The following CPA6 variants were observed in gnomAD, a reference collection of about 807,000 sequenced individuals.
CPA6 encodes the protein carboxypeptidase B.
A neutral mutation model predicts 63.3 loss-of-function variants in CPA6; 58 were observed. That is an observed-to-expected ratio of 0.92 (90% CI 0.74 to 1.14). CPA6 has a LOEUF of 1.14. Ranked by LOEUF, CPA6 falls within the 50% of genes most tolerant of loss-of-function variation. The pLI, the probability that CPA6 is intolerant of heterozygous loss-of-function variation, is 0.00. For missense variants in CPA6, 565 were observed against 526.6 expected (o/e 1.07, Z -0.71); for synonymous variants, 185 against 179.0 (o/e 1.03, Z -0.27).
chr8:67,616,473 C>T (rs1587638478), intron 2 of CPA6, among the ~76,000 whole-genome samples: 2 of 150,482 alleles, frequency 1.3e-5, no homozygotes, highest in Non-Finnish European at 3.0e-5. Context: ...AACTGTCATC[C>T]TCCATCTGGG....
intron 1 of CPA6, among the ~76,000 whole-genome samples, chr8:67,671,977 G>A (rs769327589): frequency 7.2e-5 from 11 of 151,938 alleles, no homozygotes; most frequent in South Asian, 4.2e-4. Flanking sequence ...TTACAGGTGC[G>A]CACCACCACA....
intron 2 of CPA6, among the ~76,000 whole-genome samples, chr8:67,552,001 T>C (rs566106276): frequency 1.1e-4 from 16 of 152,320 alleles, no homozygotes; most frequent in African/African-American, 2.6e-4. Flanking sequence ...AAGAGGATTG[T>C]TGCTTTAAAA....
chr8:67,664,890 A>C (rs946735836), intron 1 of CPA6, among the ~76,000 whole-genome samples: 10 of 152,188 alleles, frequency 6.6e-5, no homozygotes, highest in African/African-American at 1.9e-4. Flanking sequence ...AGTTTAATGT[A>C]TTAAGCAATA....
intron 2 of CPA6, among the ~76,000 whole-genome samples, chr8:67,556,879 A>T (rs1464350826): frequency 1.3e-5 from 2 of 152,176 alleles, no homozygotes; most frequent in African/African-American, 4.8e-5. Context: ...TGAGATTAGC[A>T]CCTGGACCGT....
chr8:67,624,226 T>C lies in CPA6; in HGVS notation c.142A>G (p.Lys48Glu). Residue 48 changes from lysine to glutamate, a missense_variant, in exon 2 of 11, where the codon AAA becomes GAA. Coordinates refer to ENST00000297770, the MANE Select transcript of CPA6 (RefSeq NM_020361.5). ...AGTGCATATGCTTCCTCTTCTGTTT[T>C]GGGAATAAATCTTATCACTTTATCA... is the stretch of plus-strand genomic sequence containing the variant. ...AGDKVIRFIP[K>E]TEEEAYALKK... The C allele has an allele frequency of 6.5e-7, 1 of 1,545,318 alleles. No homozygotes were observed. The highest frequency in any genetic ancestry group is 8.9e-7 in the Non-Finnish European group (1 of 1,120,722).
chr8:67,498,535 C>CAAAAAAAAAA (rs397940852), intron 6 of CPA6, among the ~76,000 whole-genome samples: 3 of 33,176 alleles, frequency 9.0e-5, no homozygotes, highest in Admixed American at 4.6e-4. Context: ...GACTCCATCT[C>CAAAAAAAAAA]AAAAAAAAAA....
chr8:67,650,902 C>G (rs144030456), intron 1 of CPA6, among the ~76,000 whole-genome samples: 2 of 152,212 alleles, frequency 1.3e-5, no homozygotes, highest in South Asian at 2.1e-4. Flanking sequence ...TCTTGTCAGG[C>G]TCCTACAAGC....
chr8:67,529,635 T>C (rs1378479498), intron 2 of CPA6, among the ~76,000 whole-genome samples: 1 of 152,082 alleles, frequency 6.6e-6, no homozygotes, highest in Non-Finnish European at 1.5e-5. Context: ...ATATATTGGA[T>C]AGAAAATAAG....
intron 9 of CPA6, 48 bp from the exon 10 acceptor site, chr8:67,428,179 T>C: frequency 6.7e-6 from 7 of 1,044,878 alleles, no homozygotes; most frequent in Non-Finnish European, 1.0e-5. Context: ...ATTGAAACTT[T>C]TAGATACACT....
At chr8:67,668,299 C>T (rs2128993901) in intron 1 of CPA6, among the ~76,000 whole-genome samples, 1 of 152,318 alleles carries the variant, frequency 6.6e-6, no homozygotes, top group South Asian at 2.1e-4. Context: ...ATACCCACTT[C>T]AACAGTTCAT....
chr8:67,737,468 G>A (rs771412105), intron 1 of CPA6, among the ~76,000 whole-genome samples: 5 of 151,708 alleles, frequency 3.3e-5, no homozygotes, highest in African/African-American at 7.3e-5. Flanking sequence ...CTTTGCAATC[G>A]TCACATCTAA....
intron 1 of CPA6, among the ~76,000 whole-genome samples, chr8:67,697,465 G>A (rs1816932181): frequency 6.6e-6 from 1 of 152,214 alleles, no homozygotes; most frequent in African/African-American, 2.4e-5. Context: ...CTTAAACTCT[G>A]AAAGTGACTC....
chr8:67,666,375 A>C (rs1421946920), intron 1 of CPA6, among the ~76,000 whole-genome samples: 1 of 152,198 alleles, frequency 6.6e-6, no homozygotes, highest in Non-Finnish European at 1.5e-5. Flanking sequence ...CTTTTGGGAA[A>C]ACAGGTGCAA....
intron 1 of CPA6, among the ~76,000 whole-genome samples, chr8:67,645,261 T>G (rs1815689799): frequency 6.6e-6 from 1 of 152,212 alleles, no homozygotes; most frequent in African/African-American, 2.4e-5. Flanking sequence ...TATATCATGT[T>G]GAGAGGAATG....
At chr8:67,686,012 C>A (rs957523945) in intron 1 of CPA6, among the ~76,000 whole-genome samples, 3 of 152,164 alleles carry the variant, frequency 2.0e-5, no homozygotes, top group African/African-American at 4.8e-5. Context: ...CACTCACTGC[C>A]GCTTGATAAT....
chr8:67,471,564 T>C (rs985263393), intron 8 of CPA6, among the ~76,000 whole-genome samples: 2 of 152,184 alleles, frequency 1.3e-5, no homozygotes, highest in Non-Finnish European at 1.5e-5. Flanking sequence ...GTTCTATAGT[T>C]CACTAGGGTT....
At chr8:67,738,509 G>C (rs1484952100) in intron 1 of CPA6, among the ~76,000 whole-genome samples, 1 of 152,038 alleles carries the variant, frequency 6.6e-6, no homozygotes, top group Admixed American at 6.6e-5. Flanking sequence ...GGAGGTTTAG[G>C]ATTCTTCGTC....
At chr8:67,561,987 G>A (rs1204426766) in intron 2 of CPA6, among the ~76,000 whole-genome samples, 1 of 152,218 alleles carries the variant, frequency 6.6e-6, no homozygotes, top group East Asian at 1.9e-4. Context: ...TGATAGTAGA[G>A]CAATGGCTGT....
chr8:67,686,010 G>A (rs772553378), intron 1 of CPA6, among the ~76,000 whole-genome samples: 3 of 152,146 alleles, frequency 2.0e-5, no homozygotes, highest in Admixed American at 6.5e-5. Context: ...AGCACTCACT[G>A]CCGCTTGATA....
Sources: allele counts gnomAD v4.1 joint callset (sites outside exome capture counted in the v4.1 genomes callset), GRCh38; gene constraint gnomAD v4.1.1; transcripts MANE v1.5; gene names NCBI Gene and HGNC (gene_info 2026-07-23, HGNC 2026-07-21).